Variants in PFKFB3 observed in about 807,000 individuals in gnomAD.
PFKFB3 encodes 6-phosphofructo-2-kinase/fructose-2,6-biphosphatase 3.
In PFKFB3, 33 loss-of-function variants were observed where a neutral mutation model predicts 68.0. The ratio of observed to expected loss-of-function variants is 0.49; its 90% CI spans 0.37 to 0.65. The LOEUF (loss-of-function observed/expected upper bound fraction) is 0.65, where lower values mean the gene tolerates loss of function less well. Among genes scored for constraint, PFKFB3 ranks in the 30% least tolerant of loss-of-function variants. The pLI is 0.00. For synonymous variants in PFKFB3, 315 were observed against 288.2 expected (o/e 1.09, Z -0.94); for missense variants, 586 against 712.2 (o/e 0.82, Z 2.02).
chr10:6,149,920 T>A (rs1356639696), intron 1 of PFKFB3: 2 of 152,270 alleles, frequency 1.3e-5, no homozygotes. Context: ...ATTTCACTCT[T>A]TTTTATGGCT....
At chr10:6,145,527 C>T (rs1297931470) in intron 1 of PFKFB3, among the ~76,000 whole-genome samples, 1 of 152,074 alleles carries the variant, frequency 6.6e-6, no homozygotes, top group Non-Finnish European at 1.5e-5. Context: ...GCGGCGGGGC[C>T]CGGGGTCCTG....
chr10:6,159,660 C>G (rs1279366177), intron 1 of PFKFB3, among the ~76,000 whole-genome samples: 1 of 150,698 alleles, frequency 6.6e-6, no homozygotes, highest in East Asian at 1.9e-4. Flanking sequence ...CCATTGCACT[C>G]CAGCCTGGGC....
chr10:6,239,954 A>C (rs2132072838), downstream of PFKFB3, among the ~76,000 whole-genome samples: 1 of 152,322 alleles, frequency 6.6e-6, no homozygotes, highest in Middle Eastern at 3.4e-3. Flanking sequence ...GATTATAGGC[A>C]TGAGCCACCG....
chr10:6,182,741 G>C (rs1325782103), intron 1 of PFKFB3, among the ~76,000 whole-genome samples: 1 of 152,214 alleles, frequency 6.6e-6, no homozygotes, highest in African/African-American at 2.4e-5. Flanking sequence ...CTGGAGGAGC[G>C]GGCAGGACTG....
At chr10:6,168,284 T>C (rs1422082872) in intron 1 of PFKFB3, among the ~76,000 whole-genome samples, 3 of 152,190 alleles carry the variant, frequency 2.0e-5, no homozygotes, top group Admixed American at 6.5e-5. Context: ...ACACTGACCA[T>C]GCTTGTATTC....
chr10:6,251,524 A>G (rs1446499808), intron 14 of PFKFB3, among the ~76,000 whole-genome samples: 3 of 152,226 alleles, frequency 2.0e-5, no homozygotes, highest in Non-Finnish European at 4.4e-5. Context: ...AACTATTCCT[A>G]TTAGGCATTG....
intron 14 of PFKFB3, among the ~76,000 whole-genome samples, chr10:6,244,034 A>AT (rs1009127619): frequency 1.3e-5 from 2 of 151,922 alleles, no homozygotes; most frequent in African/African-American, 2.4e-5. Context: ...TAATACTTTT[A>AT]TTTTTTGTAG....
At chr10:6,175,215 T>C (rs1842428513) in intron 1 of PFKFB3, among the ~76,000 whole-genome samples, 1 of 152,214 alleles carries the variant, frequency 6.6e-6, no homozygotes, top group South Asian at 2.1e-4. Context: ...AGAGAGAATA[T>C]GAGGTTGTCA....
At chr10:6,225,122 C>T (rs375608532) in intron 13 of PFKFB3, 24 of 456,146 alleles carry the variant, frequency 5.3e-5, no homozygotes, top group East Asian at 7.0e-5. Flanking sequence ...CTCAGGTGGA[C>T]GCGTGTTGTG....
chr10:6,196,407 TC>T (rs1843176649), intron 1 of PFKFB3, among the ~76,000 whole-genome samples: 1 of 152,102 alleles, frequency 6.6e-6, no homozygotes, highest in African/African-American at 2.4e-5. Flanking sequence ...GAGCATTGAC[TC>T]CCACGATCAC....
intron 1 of PFKFB3, among the ~76,000 whole-genome samples, chr10:6,167,875 C>T (rs545846125): frequency 1.3e-5 from 2 of 152,324 alleles, no homozygotes; most frequent in African/African-American, 4.8e-5. Context: ...CAGCCCTAAG[C>T]GACACTGTAG....
At chr10:6,153,241 C>T (rs888596071) in intron 1 of PFKFB3, among the ~76,000 whole-genome samples, 3 of 152,096 alleles carry the variant, frequency 2.0e-5, no homozygotes, top group East Asian at 3.9e-4. Context: ...ATTGAAAGGC[C>T]GATGGGCTGC....
Position 6,221,423 on chromosome 10 carries a change from A to C in PFKFB3, c.874A>C (p.Lys292Gln). The C allele has an allele frequency of 6.2e-7, 1 of 1,613,862 alleles. No individual in the cohort carries two copies. The change falls in exon 9 of 15, where the codon AAG (lysine) becomes CAG (glutamine). Residue 292 changes from lysine (K) to glutamine (Q), a missense_variant. Lys to Gln is a moderately conservative substitution (Grantham distance 53). Coordinates refer to ENST00000379775, the MANE Select transcript of PFKFB3 (RefSeq NM_004566.4). Reference sequence around the variant, plus strand: ...CAAGTTCGTGGAGGAGCAGAACCTGAAGGACCTGCGCGTGTGGACCAGCCA... The same window carrying C: ...CAAGTTCGTGGAGGAGCAGAACCTGCAGGACCTGCGCGTGTGGACCAGCCA... Reference protein sequence around the residue: ...LSKFVEEQNLKDLRVWTSQLK... With the variant: ...LSKFVEEQNLQDLRVWTSQLK...
chr10:6,217,885 T>C lies in PFKFB3; in HGVS notation c.498+694T>C, dbSNP rs56943908. On this transcript the variant is annotated intron_variant, in intron 6 of 14. Coordinates refer to ENST00000379775, the MANE Select transcript of PFKFB3 (RefSeq NM_004566.4). The stretch of plus-strand genomic sequence containing the variant: ...TAAACATATCAGAATATGACAATTC[T>C]ATAAAGAAAAGCAGTTCTGAAAACT... Among the ~76,000 whole-genome samples, 1,109 of 152,338 alleles carry C rather than the reference T, an allele frequency of 7.3e-3. 10 individuals carry two copies. Among genetic ancestry groups the C allele is most frequent in the African/African-American group, 0.026 (1,072 of 41,574 alleles).
Position 6,215,326 on chromosome 10 carries a change from G to A in PFKFB3, c.299+9G>A. On this transcript the variant is annotated intron_variant, in intron 3 of 14. Coordinates refer to ENST00000379775, the MANE Select transcript of PFKFB3 (RefSeq NM_004566.4). This position sits in a 1 kb window ranked among gnomAD's most constrained non-coding sequence, Gnocchi z 4.3. ...GCCATGAAAGTCCGGAAGTAAGGCT[G>A]GGCCGCGGGCGTAGGGCTGGGCTGT... is the stretch of plus-strand genomic sequence containing the variant. The A allele has an allele frequency of 6.2e-7, 1 of 1,607,300 alleles. No homozygotes were observed. The highest frequency in any genetic ancestry group is 8.5e-7 in the Non-Finnish European group (1 of 1,174,218).
intron 14 of PFKFB3, among the ~76,000 whole-genome samples, chr10:6,253,109 G>A (rs1016960608): frequency 2.6e-5 from 4 of 152,218 alleles, no homozygotes; most frequent in African/African-American, 4.8e-5. Flanking sequence ...TAGTAGAGAC[G>A]GGGTTTCACC....
At chr10:6,204,391 G>T (rs1843552435) in intron 1 of PFKFB3, among the ~76,000 whole-genome samples, 1 of 152,244 alleles carries the variant, frequency 6.6e-6, no homozygotes, top group African/African-American at 2.4e-5. Flanking sequence ...CTGAGCGCAG[G>T]CGGCTGGCAG....
intron 14 of PFKFB3, among the ~76,000 whole-genome samples, chr10:6,245,285 C>T (rs564677293): frequency 2.0e-5 from 3 of 151,918 alleles, no homozygotes; most frequent in Non-Finnish European, 2.9e-5. Flanking sequence ...TTAGTAGAGA[C>T]GGGGTTTCAC....
chr10:6,217,800 T>C (rs1188726249), intron 6 of PFKFB3, among the ~76,000 whole-genome samples: 1 of 152,176 alleles, frequency 6.6e-6, no homozygotes, highest in East Asian at 1.9e-4. Flanking sequence ...ACAGGAATGG[T>C]TACTATGGAG....
Sources: gnomAD v4.1 joint callset for allele counts (sites outside exome capture counted in the v4.1 genomes callset) on GRCh38, gnomAD v4.1.1 for gene constraint, Gnocchi (gnomAD v3.1) non-coding constraint, MANE v1.5 for transcripts, NCBI Gene and HGNC (gene_info 2026-07-23, HGNC 2026-07-21) for gene names.